ALDH1A3: variants seen among roughly 807,000 people sequenced by gnomAD.
The protein encoded by ALDH1A3 is retinaldehyde dehydrogenase 3.
In ALDH1A3, 28 loss-of-function variants were observed where a neutral mutation model predicts 57.5. The observed-to-expected ratio is 0.49, with a 90% CI of 0.36 to 0.67. ALDH1A3 has a LOEUF of 0.67. Among genes scored for constraint, ALDH1A3 ranks in the 30% least tolerant of loss-of-function variants. The pLI is 0.00. For missense variants in ALDH1A3, 507 were observed against 669.4 expected, an observed-to-expected ratio of 0.76 and a Z score of 2.68; for synonymous variants, 281 against 264.8, an observed-to-expected ratio of 1.06 and a Z score of -0.59.
chr15:100,901,283 G>A (rs574977223), intron 9 of ALDH1A3, among the ~76,000 whole-genome samples: 1 of 152,188 alleles, frequency 6.6e-6, no homozygotes, highest in Non-Finnish European at 1.5e-5. Flanking sequence ...TCATAACCAC[G>A]AGATTTAATA....
intron 9 of ALDH1A3, among the ~76,000 whole-genome samples, chr15:100,901,515 C>T (rs1022442435): frequency 8.5e-5 from 13 of 152,194 alleles, no homozygotes; most frequent in Admixed American, 5.2e-4. Context: ...GAGGCTGCCA[C>T]TTCCCCTACT....
At position 100,892,560 on chromosome 15, in the gene ALDH1A3, C is replaced by A; in HGVS notation, c.396C>A (p.Ile132=). Residue 132 remains isoleucine, a synonymous_variant, in exon 4 of 13, where the codon ATC becomes ATA. Coordinates refer to ENST00000329841, the MANE Select transcript of ALDH1A3 (RefSeq NM_000693.4). ...TGKPFLHAFF[I]DLEGCIRTLR... ...AGCCATTTCTTCATGCTTTTTTCAT[C>A]GACCTGGAGGGCTGTATTAGAACCC... 6.2e-7 allele frequency: 1 copy of A among 1,612,780 alleles called. No individual in the cohort carries two copies. Among genetic ancestry groups the A allele is most frequent in the Non-Finnish European group, 8.5e-7 (1 of 1,179,572 alleles).
chr15:100,900,559 GC>G lies in ALDH1A3; in HGVS notation c.884-12del. On this transcript the variant is annotated splice_polypyrimidine_tract_variant and intron_variant, in intron 8 of 12. Transcript: ENST00000329841. The stretch of plus-strand genomic sequence containing the variant: ...TCCTCTCGCTCTGCCCGCCTCCCTC[GC>G]CCCTCCCCCTCCAGTGGACTTGGCA... The G allele has an allele frequency of 6.4e-7, 1 of 1,564,876 alleles. No individual in the cohort carries two copies. The highest frequency in any genetic ancestry group is 8.7e-7 in the Non-Finnish European group (1 of 1,153,140).
chr15:100,911,884 G>A lies in ALDH1A3; in HGVS notation c.1467-2817G>A, dbSNP rs370179353. 1.2e-4 allele frequency among the ~76,000 whole-genome samples: 18 copies of A among 152,278 alleles called. 1 individual carries two copies. Among genetic ancestry groups the A allele is most frequent in the East Asian group, 1.9e-4 (1 of 5,188 alleles). On this transcript the variant is annotated intron_variant, in intron 12 of 12. Transcript: ENST00000329841. ...AATCTGATTTCATCACTTTGTTTGC[G>A]TTTCTTTTCTTTACTAACTTGATAA...
Position 100,892,961 on chromosome 15 carries a change from C to T in ALDH1A3, c.492C>T (p.Cys164=). The T allele has an allele frequency of 1.2e-6, 2 of 1,614,144 alleles. No individual in the cohort carries two copies. The highest frequency in any genetic ancestry group is 1.7e-6 in the Non-Finnish European group (2 of 1,180,002). Residue 164 remains cysteine, a synonymous_variant, in exon 5 of 13, where the codon TGC becomes TGT. Coordinates refer to ENST00000329841, the MANE Select transcript of ALDH1A3 (RefSeq NM_000693.4). ...CTCTTCCAGATGACAACGTCGTGTG[C>T]TTCACCAGGCATGAGCCCATTGGTG... is the stretch of plus-strand genomic sequence containing the variant. ...KTIPTDDNVV[C]FTRHEPIGVC...
In ALDH1A3 at chr15:100,887,320, G is replaced by C. The variant is rs141781259; in HGVS notation, c.205-252G>C. 3.4e-3 allele frequency among the ~76,000 whole-genome samples: 498 copies of C among 147,876 alleles called. 5 individuals are homozygous for C. Among genetic ancestry groups the C allele is most frequent in the African/African-American group, 0.012 (452 of 38,994 alleles). On this transcript the variant is annotated intron_variant, in intron 2 of 12. Transcript: ENST00000329841. The surrounding 1 kb of genome is among the most constrained non-coding windows in gnomAD (Gnocchi z 4.6). ...AAGATGACACCCAAACTGCAGTCACGTCAAAAGATGACACCCAAACTGCAG... is the reference window on the plus strand; with the variant it reads ...AAGATGACACCCAAACTGCAGTCACCTCAAAAGATGACACCCAAACTGCAG...
intron 8 of ALDH1A3, 94 bp downstream of exon 8, chr15:100,898,279 A>G: frequency 9.0e-7 from 1 of 1,115,000 alleles, no homozygotes. Context: ...AACTGAGAGT[A>G]AGATGTGTGC....
At position 100,893,076 on chromosome 15, in the gene ALDH1A3, C is replaced by A; in HGVS notation, c.537+70C>A. 7.1e-7 allele frequency: 1 copy of A among 1,404,574 alleles called. No individual in the cohort carries two copies. Among genetic ancestry groups the A allele is most frequent in the South Asian group, 1.2e-5 (1 of 80,488 alleles). The allele number at this position is 1,404,574 out of a possible 1,614,324, so 87.0% of individuals were successfully genotyped here. Reference sequence around the variant, plus strand: ...CCCACTGCCCTGTGTCCTTTGGAATCAATTTCTGGTGTGTTTTTATCTGAT... The same window carrying A: ...CCCACTGCCCTGTGTCCTTTGGAATAAATTTCTGGTGTGTTTTTATCTGAT... On this transcript the variant is annotated intron_variant, in intron 5 of 12. Coordinates refer to ENST00000329841, the MANE Select transcript of ALDH1A3 (RefSeq NM_000693.4). The surrounding 1 kb of genome is among the most constrained non-coding windows in gnomAD (Gnocchi z 4.8).
rs551635183 is a variant in ALDH1A3 at position 100,887,209 on chromosome 15, A to G, written c.205-363A>G. ...TGCTTGCAGCCTGTCTGCCAGCGGG[A>G]CAATCTGCTGTTCTCTATAACTGAT... On this transcript the variant is annotated intron_variant, in intron 2 of 12. Coordinates refer to ENST00000329841, the MANE Select transcript of ALDH1A3 (RefSeq NM_000693.4). The surrounding 1 kb of genome is among the most constrained non-coding windows in gnomAD (Gnocchi z 4.6). Among the ~76,000 whole-genome samples, 2 of 152,310 alleles carry G rather than the reference A, an allele frequency of 1.3e-5. No individual in the cohort carries two copies. Among genetic ancestry groups the G allele is most frequent in the South Asian group, 4.1e-4 (2 of 4,820 alleles).
At position 100,906,723 on chromosome 15, in the gene ALDH1A3, A is replaced by T. The variant is rs2041826080; in HGVS notation, c.1234-398A>T. ...CCTTGGTAGAAAACACAGCTCCAAG[A>T]GGTAGGAGCACAGTCTTACAAAGTG... On this transcript the variant is annotated intron_variant, in intron 10 of 12. Transcript: ENST00000329841. This position sits in a 1 kb window ranked among gnomAD's most constrained non-coding sequence, Gnocchi z 4.8. 6.6e-6 allele frequency among the ~76,000 whole-genome samples: 1 copy of T among 152,132 alleles called. No individual in the cohort carries two copies. Among genetic ancestry groups the T allele is most frequent in the African/African-American group, 2.4e-5 (1 of 41,420 alleles).
Position 100,893,821 on chromosome 15 carries a change from A to T in ALDH1A3, c.538-133A>T. On this transcript the variant is annotated intron_variant, in intron 5 of 12. Coordinates refer to ENST00000329841, the MANE Select transcript of ALDH1A3 (RefSeq NM_000693.4). The surrounding 1 kb of genome is among the most constrained non-coding windows in gnomAD (Gnocchi z 4.8). ...AGGATTGCAGTTCTGATCATTGCAC[A>T]CTCCTATGTTACCCCACATACCCCA... 2 of 1,225,632 alleles carry T rather than the reference A, an allele frequency of 1.6e-6. No individual in the cohort carries two copies. Among genetic ancestry groups the T allele is most frequent in the African/African-American group, 3.0e-5 (2 of 66,288 alleles). 75.9% of individuals were successfully genotyped at this position (1,225,632 alleles called of 1,614,324 possible). A position where few individuals can be genotyped will look rare whatever the true frequency, so the allele number is the denominator to read the frequency against.
Position 100,906,848 on chromosome 15 carries a change from C to T in ALDH1A3, c.1234-273C>T, listed in dbSNP as rs946898886. 3.3e-5 allele frequency among the ~76,000 whole-genome samples: 5 copies of T among 152,184 alleles called. No homozygotes were observed. Among genetic ancestry groups the T allele is most frequent in the South Asian group, 4.1e-4 (2 of 4,830 alleles). Reference sequence around the variant, plus strand: ...TCCAAGGCTCTCTGGCTGGGTTTCTCGGAAACCCTGATGACAACAAGACAT... The same window carrying T: ...TCCAAGGCTCTCTGGCTGGGTTTCTTGGAAACCCTGATGACAACAAGACAT... On this transcript the variant is annotated intron_variant, in intron 10 of 12. Transcript: ENST00000329841. The surrounding 1 kb of genome is among the most constrained non-coding windows in gnomAD (Gnocchi z 4.8).
intron 3 of ALDH1A3, chr15:100,888,780 A>G (rs189749607): frequency 1.3e-5 from 2 of 152,354 alleles, no homozygotes; most frequent in East Asian, 3.9e-4. Context: ...TCAGTGGTGT[A>G]AGAATGATCT....
chr15:100,885,655 CTT>C lies in ALDH1A3; in HGVS notation c.204+299_204+300del, dbSNP rs4646657. ...GGCTAAAGGAAAGGTTTTCTTTTTT[CTT>C]TTTTTTTTTTTTTTATCAATTATTT... is the stretch of plus-strand genomic sequence containing the variant. On this transcript the variant is annotated intron_variant, in intron 2 of 12. Coordinates refer to ENST00000329841, the MANE Select transcript of ALDH1A3 (RefSeq NM_000693.4). Among the ~76,000 whole-genome samples, 970 of 138,330 alleles carry C rather than the reference CTT, an allele frequency of 7.0e-3. 14 individuals carry two copies. The highest frequency in any genetic ancestry group is 0.022 in the East Asian group (109 of 4,870). The allele number at this position is 138,330 out of a possible 152,430, so 90.7% of individuals were successfully genotyped here.
chr15:100,900,831 C>A, intron 9 of ALDH1A3, 72 bp downstream of exon 9: 1 of 1,519,718 alleles, frequency 6.6e-7, no homozygotes, highest in Non-Finnish European at 8.9e-7. Flanking sequence ...ATGGCAACCG[C>A]CTACAGGGTC....
intron 1 of ALDH1A3, among the ~76,000 whole-genome samples, chr15:100,883,033 A>G (rs2041561004): frequency 6.6e-6 from 1 of 152,228 alleles, no homozygotes; most frequent in African/African-American, 2.4e-5. Flanking sequence ...CAATGTCATG[A>G]ACAAACAGTA....
intron 1 of ALDH1A3, among the ~76,000 whole-genome samples, chr15:100,881,879 C>T (rs2141544033): frequency 6.6e-6 from 1 of 152,322 alleles, no homozygotes; most frequent in South Asian, 2.1e-4. Context: ...CTCCCCATAG[C>T]AGTTGTGGAC....
intron 2 of ALDH1A3, among the ~76,000 whole-genome samples, chr15:100,885,643 G>GTTTACTT: frequency 7.0e-6 from 1 of 142,420 alleles, no homozygotes; most frequent in Non-Finnish European, 1.5e-5. Flanking sequence ...TAAAGGAAAG[G>GTTTACTT]TTTTCTTTTT....
At chr15:100,903,096 G>A (rs1424159328) in intron 9 of ALDH1A3, among the ~76,000 whole-genome samples, 7 of 152,130 alleles carry the variant, frequency 4.6e-5, no homozygotes, top group African/African-American at 1.4e-4. Flanking sequence ...ACACATACAC[G>A]GGTCAAACCC....
Sources: gnomAD v4.1 joint callset for allele counts (sites outside exome capture counted in the v4.1 genomes callset) on GRCh38, gnomAD v4.1.1 for gene constraint, Gnocchi (gnomAD v3.1) non-coding constraint, MANE v1.5 for transcripts, NCBI Gene and HGNC (gene_info 2026-07-23, HGNC 2026-07-21) for gene names.